The following ACACA variants were observed in gnomAD, a reference collection of about 807,000 sequenced individuals.
ACACA encodes the protein acetyl-CoA carboxylase alpha.
In ACACA, 103 loss-of-function variants were observed where a neutral mutation model predicts 296.1. The ratio of observed to expected loss-of-function variants is 0.35; its 90% CI spans 0.30 to 0.41. The LOEUF is 0.41. Among genes scored for constraint, ACACA ranks in the 10% least tolerant of loss-of-function variants. The pLI, the probability that ACACA is intolerant of heterozygous loss-of-function variation, is 1.00. For missense variants in ACACA, 1,554 were observed against 2,989.7 expected (o/e 0.52, Z 11.20); for synonymous variants, 953 against 1,038.6 (o/e 0.92, Z 1.58).
In ACACA at chr17:37,149,845, CA is replaced by C; in HGVS notation, c.5679+18del. ...CTTCAATCAGCTATGCATACTTCTTCAAAACCCTAGAAACTTACTTTGTTGA... is the reference window on the plus strand; with the variant it reads ...CTTCAATCAGCTATGCATACTTCTTCAAACCCTAGAAACTTACTTTGTTGA... On this transcript the variant is annotated intron_variant, in intron 45 of 55. Coordinates refer to ENST00000616317, the MANE Select transcript of ACACA (RefSeq NM_198834.3). The C allele has an allele frequency of 6.2e-7, 1 of 1,605,574 alleles. No individual in the cohort carries two copies. Among genetic ancestry groups the C allele is most frequent in the Non-Finnish European group, 8.5e-7 (1 of 1,172,162 alleles).
chr17:37,342,329 A>G (rs1392986238), intron 1 of ACACA, among the ~76,000 whole-genome samples: 1 of 142,518 alleles, frequency 7.0e-6, no homozygotes, highest in Admixed American at 7.3e-5. Flanking sequence ...AATAGCTTGA[A>G]CCCAGGAAGC....
At chr17:37,349,547 G>A (rs1170462696) in intron 1 of ACACA, among the ~76,000 whole-genome samples, 5 of 144,082 alleles carry the variant, frequency 3.5e-5, no homozygotes, top group Non-Finnish European at 7.6e-5. Flanking sequence ...GTGTGTGTGT[G>A]TATATATATA....
intron 1 of ACACA, chr17:37,365,568 T>C: frequency 5.1e-6 from 5 of 985,452 alleles, no homozygotes; most frequent in Non-Finnish European, 6.0e-6. Flanking sequence ...AGTCAGTGCC[T>C]TGCCCACAAC....
At chr17:37,178,195 C>G (rs2077189646) in intron 41 of ACACA, among the ~76,000 whole-genome samples, 1 of 152,276 alleles carries the variant, frequency 6.6e-6, no homozygotes, top group African/African-American at 2.4e-5. Flanking sequence ...CAGAAAGAAT[C>G]ATAATGCATG....
At chr17:37,276,858 G>GA (rs1035388544) in intron 7 of ACACA, among the ~76,000 whole-genome samples, 175 bp downstream of exon 7, 13 of 149,108 alleles carry the variant, frequency 8.7e-5, no homozygotes, top group Admixed American at 2.7e-4. Flanking sequence ...AGCAAAAAAT[G>GA]AAAAAAAAGA....
At chr17:37,164,439 A>G (rs934442886) in intron 41 of ACACA, among the ~76,000 whole-genome samples, 5 of 152,208 alleles carry the variant, frequency 3.3e-5, no homozygotes, top group Non-Finnish European at 7.3e-5. Context: ...CCTCAGATAA[A>G]TATAAGCTAT....
intron 43 of ACACA, among the ~76,000 whole-genome samples, chr17:37,153,547 T>G (rs150997796): frequency 5.7e-4 from 87 of 152,280 alleles, no homozygotes; most frequent in African/African-American, 1.9e-3. Context: ...ACAAGAAATG[T>G]GGGTGGCTAT....
At chr17:37,186,708 G>C (rs1208707167) in intron 39 of ACACA, among the ~76,000 whole-genome samples, 1 of 152,092 alleles carries the variant, frequency 6.6e-6, no homozygotes, top group East Asian at 1.9e-4. Context: ...AAATATGCAG[G>C]ACCCTAGGTA....
intron 48 of ACACA, among the ~76,000 whole-genome samples, chr17:37,122,960 G>A (rs182260374): frequency 2.1e-3 from 319 of 152,324 alleles, no homozygotes; most frequent in Admixed American, 3.9e-3. Context: ...GCTGCTAAAC[G>A]AAATTTCTCA....
intron 41 of ACACA, among the ~76,000 whole-genome samples, chr17:37,171,945 T>C (rs1156523198): frequency 6.6e-6 from 1 of 152,168 alleles, no homozygotes; most frequent in Non-Finnish European, 1.5e-5. Flanking sequence ...ATTAACCAAG[T>C]TGGCCTACTA....
In ACACA at chr17:37,143,783, T is replaced by C. The variant is rs1567716572; in HGVS notation, c.5679+6081A>G. 5.7e-6 allele frequency: 6 copies of C among 1,061,554 alleles called. No homozygotes were observed. The South Asian group carries it at 7.6e-5, about 13-fold the overall frequency. 65.8% of individuals were successfully genotyped at this position (1,061,554 alleles called of 1,614,324 possible). ...TTTTCGGCCTTGGCAACTCCCTTTT[T>C]TGCTGCATCAGGCTTTCCTTTAGCT... is the stretch of plus-strand genomic sequence containing the variant. On this transcript the variant is annotated intron_variant, in intron 45 of 55. Transcript: ENST00000616317.
intron 29 of ACACA, among the ~76,000 whole-genome samples, chr17:37,213,471 C>A (rs1313522153): frequency 6.6e-6 from 1 of 151,802 alleles, no homozygotes; most frequent in Non-Finnish European, 1.5e-5. Context: ...ATTCAAAACA[C>A]TTATTATAAT....
chr17:37,303,387 C>CATCATCAGTTATGG (rs1433528832), intron 3 of ACACA, among the ~76,000 whole-genome samples: 2 of 152,166 alleles, frequency 1.3e-5, no homozygotes, highest in Non-Finnish European at 2.9e-5. Context: ...TTTGTTTATA[C>CATCATCAGTTATGG]ATCATCAGTT....
At chr17:37,305,486 G>C (rs2083828752) in intron 3 of ACACA, among the ~76,000 whole-genome samples, 1 of 152,166 alleles carries the variant, frequency 6.6e-6, no homozygotes, top group Non-Finnish European at 1.5e-5. Context: ...TTTATCCTCT[G>C]TTTATGGGTC....
intron 55 of ACACA, 99 bp from the exon 56 acceptor site, chr17:37,087,538 C>G (rs2072291373): frequency 7.0e-7 from 1 of 1,422,946 alleles, no homozygotes; most frequent in South Asian, 1.2e-5. Flanking sequence ...GCACCGTCCA[C>G]TGCAGACATT....
intron 1 of ACACA, among the ~76,000 whole-genome samples, chr17:37,386,418 C>A (rs1272168392): frequency 6.6e-6 from 1 of 152,032 alleles, no homozygotes; most frequent in East Asian, 1.9e-4. Flanking sequence ...ACGGTGAAAA[C>A]CCGCCTCTAC....
chr17:37,189,981 C>T lies in ACACA; in HGVS notation c.4572+1139G>A, dbSNP rs551808842. Among the ~76,000 whole-genome samples, 11 of 150,892 alleles carry T rather than the reference C, an allele frequency of 7.3e-5. No homozygotes were observed. In the South Asian group the frequency reaches 2.1e-3, roughly 29 times the overall value. On this transcript the variant is annotated intron_variant, in intron 38 of 55. Coordinates refer to ENST00000616317, the MANE Select transcript of ACACA (RefSeq NM_198834.3). ...CTTGAGGCCAGGAGTTCAAGACTAG[C>T]CTGGGCAACATAGCAAGACCCTGTT...
chr17:37,199,825 T>TAAAAA (rs10562354), intron 35 of ACACA, among the ~76,000 whole-genome samples: 1 of 147,724 alleles, frequency 6.8e-6, no homozygotes, highest in Non-Finnish European at 1.5e-5. Flanking sequence ...ATTATAGGGT[T>TAAAAA]AAAAAAAAAA....
chr17:37,144,303 T>C (rs2075722067), intron 45 of ACACA: 5 of 565,636 alleles, frequency 8.8e-6, no homozygotes, highest in Non-Finnish European at 1.6e-5. Context: ...TTTAGTTGTT[T>C]TTCCACAGCG....
Sources: allele counts gnomAD v4.1 joint callset (sites outside exome capture counted in the v4.1 genomes callset), GRCh38; gene constraint gnomAD v4.1.1; transcripts MANE v1.5; gene names NCBI Gene and HGNC (gene_info 2026-07-23, HGNC 2026-07-21).